The following CLRN1 variants were observed in gnomAD, a reference collection of about 807,000 sequenced individuals.
CLRN1 encodes clarin-1.
CLRN1 carries 15 observed loss-of-function variants against 18.7 expected under a neutral mutation model. That is an observed-to-expected ratio of 0.80 (90% CI 0.54 to 1.23). The LOEUF (loss-of-function observed/expected upper bound fraction) is 1.23, where lower values mean the gene tolerates loss of function less well. Among genes scored for constraint, CLRN1 ranks in the 50% most tolerant of loss-of-function variants. The probability of loss-of-function intolerance (pLI) is 0.00; values close to 1 mark genes in which losing one functional copy is unlikely to be tolerated. For missense variants in CLRN1, 311 were observed against 277.5 expected (o/e 1.12, Z -0.86); for synonymous variants, 104 against 102.9 (o/e 1.01, Z -0.07).
intron 1 of CLRN1, among the ~76,000 whole-genome samples, chr3:150,960,959 C>T (rs951648921): frequency 6.6e-6 from 1 of 152,184 alleles, no homozygotes; most frequent in African/African-American, 2.4e-5. Context: ...AACTGGTGGG[C>T]AGATTTGGAA....
chr3:150,929,952 G>A (rs1227050830), intron 2 of CLRN1, among the ~76,000 whole-genome samples: 1 of 152,104 alleles, frequency 6.6e-6, no homozygotes, highest in East Asian at 1.9e-4. Context: ...AATATCCTAG[G>A]AGTGGCAACA....
intron 1 of CLRN1, among the ~76,000 whole-genome samples, chr3:150,963,998 G>A (rs1211275371): frequency 2.0e-5 from 3 of 152,134 alleles, no homozygotes; most frequent in African/African-American, 7.2e-5. Flanking sequence ...CAGGACATAG[G>A]CGTGGGCAAA....
intron 1 of CLRN1, among the ~76,000 whole-genome samples, chr3:150,952,472 G>A (rs1175578472): frequency 6.6e-6 from 1 of 152,148 alleles, no homozygotes; most frequent in African/African-American, 2.4e-5. Flanking sequence ...TAGATTCGGT[G>A]TATTAAAAGC....
intron 1 of CLRN1, chr3:150,945,701 C>A (rs971880461): frequency 3.3e-6 from 4 of 1,205,222 alleles, no homozygotes; most frequent in South Asian, 1.4e-5. Flanking sequence ...CAGAAAAATG[C>A]ACATTAAAAC....
intron 1 of CLRN1, among the ~76,000 whole-genome samples, chr3:150,961,894 C>G (rs1290619601): frequency 6.6e-6 from 1 of 152,222 alleles, no homozygotes; most frequent in East Asian, 1.9e-4. Flanking sequence ...CTTCCAAAGG[C>G]TATGTGGTCA....
chr3:150,937,447 C>T (rs1035313875), intron 2 of CLRN1, among the ~76,000 whole-genome samples: 16 of 152,198 alleles, frequency 1.1e-4, no homozygotes, highest in Admixed American at 6.5e-4. Flanking sequence ...GGTAAAATAG[C>T]AGTGCCCAAG....
chr3:150,928,229 A>G (rs1712939906), intron 2 of CLRN1, 28 bp from the exon 3 acceptor site: 2 of 1,613,162 alleles, frequency 1.2e-6, no homozygotes, highest in Non-Finnish European at 1.7e-6. Context: ...AGGTGTTGGG[A>G]CAAATATTTC....
chr3:150,957,833 T>C (rs569630179), intron 1 of CLRN1, among the ~76,000 whole-genome samples: 1 of 152,004 alleles, frequency 6.6e-6, no homozygotes, highest in East Asian at 1.9e-4. Flanking sequence ...ATTTTTGTGT[T>C]TTTTTAGTAG....
intron 1 of CLRN1, among the ~76,000 whole-genome samples, chr3:150,955,036 C>T (rs909908144): frequency 6.6e-6 from 1 of 152,134 alleles, no homozygotes; most frequent in Admixed American, 6.5e-5. Flanking sequence ...AAGTTGTGGC[C>T]CATCCATGTG....
In CLRN1 at chr3:150,927,135, T is replaced by C; in HGVS notation, c.*801A>G. ...TCCTAACAATTATGTTCATTGAAAG[T>C]ACTGTCGTGAATGTAATTGGGACTC... is the stretch of plus-strand genomic sequence containing the variant. On this transcript the variant is annotated 3_prime_UTR_variant, in exon 3 of 3. Transcript: ENST00000327047. The C allele has an allele frequency of 1.4e-6, 1 of 692,646 alleles. No individual in the cohort carries two copies. The highest frequency in any genetic ancestry group is 1.5e-5 in the South Asian group (1 of 66,998). The allele number at this position is 692,646 out of a possible 1,614,324, so 42.9% of individuals were successfully genotyped here. A position where few individuals can be genotyped will look rare whatever the true frequency, so the allele number is the denominator to read the frequency against.
intron 1 of CLRN1, among the ~76,000 whole-genome samples, chr3:150,949,034 G>C (rs183206543): frequency 1.4e-3 from 216 of 152,234 alleles, no homozygotes; most frequent in African/African-American, 5.1e-3. Context: ...TTCATCCCTG[G>C]GATGCAAGGT....
chr3:150,942,624 T>G (rs1210662467), intron 1 of CLRN1: 1 of 455,232 alleles, frequency 2.2e-6, no homozygotes, highest in Non-Finnish European at 4.4e-6. Context: ...TCCTGTTGTC[T>G]CACAGAGCTT....
At chr3:150,956,949 C>T (rs1180022376) in intron 1 of CLRN1, among the ~76,000 whole-genome samples, 1 of 152,152 alleles carries the variant, frequency 6.6e-6, no homozygotes, top group African/African-American at 2.4e-5. Flanking sequence ...TCTCATTTCA[C>T]AGAGAAAGGT....
chr3:150,970,224 A>C (rs1482840217), intron 1 of CLRN1, among the ~76,000 whole-genome samples: 1 of 152,204 alleles, frequency 6.6e-6, no homozygotes, highest in Non-Finnish European at 1.5e-5. Context: ...ATACATTTCT[A>C]TCAGGAAGAA....
At chr3:150,954,014 A>G (rs1358988890) in intron 1 of CLRN1, among the ~76,000 whole-genome samples, 2 of 152,224 alleles carry the variant, frequency 1.3e-5, no homozygotes, top group African/African-American at 2.4e-5. Context: ...TTAGCAGAGC[A>G]TAAAAATATA....
intron 2 of CLRN1, among the ~76,000 whole-genome samples, chr3:150,929,566 A>G (rs1443674446): frequency 6.6e-6 from 1 of 152,234 alleles, no homozygotes; most frequent in Non-Finnish European, 1.5e-5. Context: ...TTCTTCATCT[A>G]TAAAAGGTGG....
intron 1 of CLRN1, among the ~76,000 whole-genome samples, chr3:150,960,843 G>A (rs959403671): frequency 2.0e-5 from 3 of 152,224 alleles, no homozygotes; most frequent in Admixed American, 6.5e-5. Context: ...CCCAAATTAG[G>A]CAGCTTCACC....
chr3:150,972,383 A>T (rs1249964046), intron 1 of CLRN1, 73 bp downstream of exon 1: 2 of 1,607,726 alleles, frequency 1.2e-6, no homozygotes, highest in African/African-American at 2.7e-5. Flanking sequence ...CAAAATTCTC[A>T]AATATAATTC....
At chr3:150,963,584 C>G (rs180978266) in intron 1 of CLRN1, among the ~76,000 whole-genome samples, 2 of 152,112 alleles carry the variant, frequency 1.3e-5, no homozygotes, top group African/African-American at 4.8e-5. Context: ...CATATGGAAC[C>G]AAAAAAGAGC....
Sources: gnomAD v4.1 joint callset for allele counts (sites outside exome capture counted in the v4.1 genomes callset) on GRCh38, gnomAD v4.1.1 for gene constraint, MANE v1.5 for transcripts, NCBI Gene and HGNC (gene_info 2026-07-23, HGNC 2026-07-21) for gene names.